Variants in KIAA1328 observed in about 807,000 individuals in gnomAD.
KIAA1328 encodes protein hinderin.
KIAA1328 carries 52 observed loss-of-function variants against 68.1 expected under a neutral mutation model. That is an observed-to-expected ratio of 0.76 (90% CI 0.61 to 0.96). KIAA1328 has a LOEUF of 0.96. Among genes scored for constraint, KIAA1328 ranks in the 40% least tolerant of loss-of-function variants. KIAA1328 has a pLI of 0.00. For missense variants in KIAA1328, 641 were observed against 677.6 expected, an observed-to-expected ratio of 0.95 and a Z score of 0.60; for synonymous variants, 232 against 239.4, an observed-to-expected ratio of 0.97 and a Z score of 0.28.
intron 9 of KIAA1328, among the ~76,000 whole-genome samples, chr18:37,221,679 G>A (rs1018595445): frequency 1.3e-5 from 2 of 152,196 alleles, no homozygotes; most frequent in African/African-American, 4.8e-5. Flanking sequence ...TATTTGTAGT[G>A]TTAGGAACAG....
intron 8 of KIAA1328, among the ~76,000 whole-genome samples, chr18:37,162,118 G>C (rs1053684977): frequency 3.3e-5 from 5 of 152,056 alleles, no homozygotes; most frequent in Non-Finnish European, 5.9e-5. Context: ...AATCCTAATA[G>C]TCATTTTATA....
intron 7 of KIAA1328, among the ~76,000 whole-genome samples, chr18:37,142,881 C>A (rs1445645886): frequency 1.3e-5 from 2 of 151,468 alleles, no homozygotes; most frequent in African/African-American, 4.9e-5. Context: ...GGAGAACTGA[C>A]ACCCTAAAAA....
At chr18:37,214,722 TC>T (rs2060391732) in intron 9 of KIAA1328, among the ~76,000 whole-genome samples, 1 of 152,222 alleles carries the variant, frequency 6.6e-6, no homozygotes, top group Non-Finnish European at 1.5e-5. Flanking sequence ...TGGCATTGAA[TC>T]TATAAATTAC....
intron 7 of KIAA1328, among the ~76,000 whole-genome samples, chr18:37,156,521 G>A (rs2059157105): frequency 6.7e-6 from 1 of 150,322 alleles, no homozygotes; most frequent in Non-Finnish European, 1.5e-5. Flanking sequence ...CTCTGTAAAT[G>A]TTTGTTTTCC....
At chr18:37,028,210 C>T (rs2054672305) in intron 6 of KIAA1328, among the ~76,000 whole-genome samples, 1 of 152,124 alleles carries the variant, frequency 6.6e-6, no homozygotes, top group African/African-American at 2.4e-5. Flanking sequence ...ACCTCTAGCT[C>T]CATCTGTGTG....
chr18:37,207,701 C>G (rs920883810), intron 9 of KIAA1328, among the ~76,000 whole-genome samples: 15 of 152,228 alleles, frequency 9.9e-5, no homozygotes, highest in African/African-American at 3.6e-4. Flanking sequence ...ACATCTTAGG[C>G]TACAGCCCAA....
At chr18:37,185,626 G>A (rs2059780754) in intron 9 of KIAA1328, among the ~76,000 whole-genome samples, 1 of 151,896 alleles carries the variant, frequency 6.6e-6, no homozygotes, top group South Asian at 2.1e-4. Flanking sequence ...GTAGTTAATG[G>A]TAATTGGCTA....
intron 5 of KIAA1328, among the ~76,000 whole-genome samples, chr18:36,954,026 C>T (rs1376201463): frequency 4.7e-5 from 5 of 107,046 alleles, no homozygotes; most frequent in East Asian, 2.8e-4. Context: ...GACGGAGTCT[C>T]GCTCTGTCGC....
intron 4 of KIAA1328, among the ~76,000 whole-genome samples, chr18:36,848,434 T>A (rs2047098146): frequency 6.6e-6 from 1 of 151,302 alleles, no homozygotes; most frequent in African/African-American, 2.4e-5. Flanking sequence ...CTTTTAAAAT[T>A]TGCTTGTTAC....
chr18:37,160,287 T>C lies in KIAA1328; in HGVS notation c.1320T>C (p.Asn440=), dbSNP rs1217195220. 6.2e-7 allele frequency: 1 copy of C among 1,613,466 alleles called. No individual in the cohort carries two copies. The highest frequency in any genetic ancestry group is 1.1e-5 in the South Asian group (1 of 91,040). Residue 440 remains asparagine, a synonymous_variant, in exon 8 of 10, where the codon AAT becomes AAC. Coordinates refer to ENST00000280020, the MANE Select transcript of KIAA1328 (RefSeq NM_020776.3). The part of the protein sequence containing the change: ...KHQDPPNSGE[N]RKERKTVGFH... ...AAGACCCCCCAAACAGTGGAGAGAATAGGAAGGAGAGGAAGACAGTTGGGT... is the reference window on the plus strand; with the variant it reads ...AAGACCCCCCAAACAGTGGAGAGAACAGGAAGGAGAGGAAGACAGTTGGGT...
rs541675607 is a variant in KIAA1328, at chr18:37,113,976, G to A, written c.1233-46224G>A. ...AGAGCCAACCATCCTAAATATATATGCACCCAATACAGGAGTACCCAGATT... is the reference window on the plus strand; with the variant it reads ...AGAGCCAACCATCCTAAATATATATACACCCAATACAGGAGTACCCAGATT... On this transcript the variant is annotated intron_variant, in intron 7 of 9. Coordinates refer to ENST00000280020, the MANE Select transcript of KIAA1328 (RefSeq NM_020776.3). Among the ~76,000 whole-genome samples the A allele has an allele frequency of 3.9e-5, 6 of 152,238 alleles. No homozygotes were observed. The East Asian group carries it at 1.2e-3, about 29-fold the overall frequency.
rs924311460 is a variant in KIAA1328 at position 37,085,238 on chromosome 18, G to A, written c.1232+17693G>A. ...CTGGGACCGGGATGGGCTGCCCAAC[G>A]CTAGCTTTTACTGAGGTGGGCCTGA... On this transcript the variant is annotated intron_variant, in intron 7 of 9. Coordinates refer to ENST00000280020, the MANE Select transcript of KIAA1328 (RefSeq NM_020776.3). 1.1e-4 allele frequency among the ~76,000 whole-genome samples: 16 copies of A among 152,202 alleles called. No individual in the cohort carries two copies. In the South Asian group the frequency reaches 2.9e-3, roughly 28 times the overall value.
intron 9 of KIAA1328, among the ~76,000 whole-genome samples, chr18:37,184,056 T>G (rs1253830266): frequency 1.3e-5 from 2 of 152,242 alleles, no homozygotes; most frequent in Admixed American, 1.3e-4. Flanking sequence ...ATAATAGACA[T>G]TAAATAAATA....
At chr18:37,191,440 G>C (rs1481776107) in intron 9 of KIAA1328, among the ~76,000 whole-genome samples, 1 of 152,046 alleles carries the variant, frequency 6.6e-6, no homozygotes, top group Non-Finnish European at 1.5e-5. Flanking sequence ...AGTAACTTTA[G>C]GTACAGTCTA....
At chr18:37,144,956 C>T (rs568616026) in intron 7 of KIAA1328, among the ~76,000 whole-genome samples, 7 of 151,942 alleles carry the variant, frequency 4.6e-5, no homozygotes, top group Middle Eastern at 3.4e-3. Flanking sequence ...TTTAATAGGC[C>T]GGTTTTGGTG....
chr18:37,141,960 A>T (rs897141919), intron 7 of KIAA1328, among the ~76,000 whole-genome samples: 1 of 152,224 alleles, frequency 6.6e-6, no homozygotes, highest in Non-Finnish European at 1.5e-5. Context: ...CAAAGTCTTC[A>T]TCAGATGTAT....
At chr18:37,176,339 C>G (rs1430570450) in intron 9 of KIAA1328, among the ~76,000 whole-genome samples, 1 of 152,190 alleles carries the variant, frequency 6.6e-6, no homozygotes, top group African/African-American at 2.4e-5. Context: ...ATCAATATCA[C>G]TTATCCTGAT....
At chr18:36,841,049 G>T (rs887406189) in intron 3 of KIAA1328, among the ~76,000 whole-genome samples, 3 of 152,026 alleles carry the variant, frequency 2.0e-5, no homozygotes, top group Non-Finnish European at 4.4e-5. Flanking sequence ...TGAGATAAGT[G>T]TCCTTTTTGC....
At chr18:36,836,608 C>T (rs1235608911) in intron 3 of KIAA1328, among the ~76,000 whole-genome samples, 2 of 152,064 alleles carry the variant, frequency 1.3e-5, no homozygotes, top group Admixed American at 1.3e-4. Context: ...TTAGTCAACT[C>T]TCTTTTTTTT....
Sources: allele counts gnomAD v4.1 joint callset (sites outside exome capture counted in the v4.1 genomes callset), GRCh38; gene constraint gnomAD v4.1.1; transcripts MANE v1.5; gene names NCBI Gene and HGNC (gene_info 2026-07-23, HGNC 2026-07-21).